FAAH2: variants seen among roughly 807,000 people sequenced by gnomAD.
The protein encoded by FAAH2 is fatty-acid amide hydrolase 2.
Under a neutral mutation model 36.9 loss-of-function variants are expected in FAAH2, and 60 were observed. That is an observed-to-expected ratio of 1.63 (90% CI 1.32 to 2.02). FAAH2 has a LOEUF of 2.02. FAAH2 is among the 30% of genes most tolerant of loss of function. The probability of loss-of-function intolerance (pLI) is 0.00; values close to 1 mark genes in which losing one functional copy is unlikely to be tolerated. For synonymous variants in FAAH2, 214 were observed against 143.8 expected (o/e 1.49, Z -3.49); for missense variants, 689 against 397.5 (o/e 1.73, Z -6.23).
At chrX:57,196,297 G>A in the FAAH2 span, among the ~76,000 whole-genome samples, 261 of 111,738 alleles carry the variant, frequency 2.3e-3, 1 homozygote, top group African/African-American at 8.2e-3. Flanking sequence ...AGGTATATTT[G>A]TAAGTATTTT....
intron 7 of FAAH2, among the ~76,000 whole-genome samples, chrX:57,385,220 G>A (rs762110330): frequency 9.5e-6 from 1 of 105,277 alleles, no homozygotes; most frequent in African/African-American, 3.5e-5. Flanking sequence ...CATGGCACAT[G>A]TATACATATG....
chrX:57,436,238 G>A (rs1198920822), intron 8 of FAAH2, among the ~76,000 whole-genome samples: 1 of 110,702 alleles, frequency 9.0e-6, no homozygotes, highest in Non-Finnish European at 1.9e-5. Flanking sequence ...GATGTTCATA[G>A]TATTAAATGC....
rs1023272669 is a variant in FAAH2, at chrX:57,421,728, C to T, written c.997-10190C>T. Among the ~76,000 whole-genome samples the T allele has an allele frequency of 9.0e-5, 10 of 111,647 alleles. No homozygotes were observed. In the South Asian group the frequency reaches 1.1e-3, roughly 13 times the overall value. On this transcript the variant is annotated intron_variant, in intron 7 of 10. Coordinates refer to ENST00000374900, the MANE Select transcript of FAAH2 (RefSeq NM_174912.4). ...GTGAAAGAAGGGACACAATCCAGTC[C>T]GTAGGAGTGAAAATGTGGTAATAGT...
At chrX:57,388,377 C>T (rs1259858415) in intron 7 of FAAH2, among the ~76,000 whole-genome samples, 1 of 110,621 alleles carries the variant, frequency 9.0e-6, no homozygotes, top group Admixed American at 9.6e-5. Context: ...TTTTATAATC[C>T]AGGTCTTTTT....
chrX:57,182,122 G>A, the FAAH2 span, among the ~76,000 whole-genome samples: 46,737 of 110,545 alleles, frequency 0.42, 9,366 homozygotes, highest in African/African-American at 0.78. Flanking sequence ...AACGAACAAA[G>A]CTATAAAAAC....
chrX:57,158,236 T>A, the FAAH2 span, among the ~76,000 whole-genome samples: 1 of 112,253 alleles, frequency 8.9e-6, no homozygotes, highest in Non-Finnish European at 1.9e-5. Flanking sequence ...ATTTTCTTAA[T>A]CCAGTCTATC....
At chrX:57,296,586 C>A (rs1175950370) in intron 2 of FAAH2, among the ~76,000 whole-genome samples, 1 of 111,961 alleles carries the variant, frequency 8.9e-6, no homozygotes, top group African/African-American at 3.2e-5. Context: ...ATCAGCAATG[C>A]AACAAAGCTG....
At chrX:57,143,884 A>G in the FAAH2 span, among the ~76,000 whole-genome samples, 1 of 112,027 alleles carries the variant, frequency 8.9e-6, no homozygotes, top group African/African-American at 3.2e-5. Context: ...ATGTGTCTAC[A>G]TTTATCAGTG....
chrX:57,474,042 G>C (rs1308263363), intron 10 of FAAH2, among the ~76,000 whole-genome samples: 2 of 111,630 alleles, frequency 1.8e-5, no homozygotes, highest in African/African-American at 6.5e-5. Context: ...TATTACAATA[G>C]TGTTAGTTAT....
At chrX:57,162,422 G>C in the FAAH2 span, among the ~76,000 whole-genome samples, 1 of 111,564 alleles carries the variant, frequency 9.0e-6, no homozygotes, top group Non-Finnish European at 1.9e-5. Flanking sequence ...TGCTAGATTG[G>C]GGAAGTTCTC....
the FAAH2 span, among the ~76,000 whole-genome samples, chrX:57,220,005 T>C: frequency 1.9e-5 from 2 of 107,482 alleles, no homozygotes; most frequent in Admixed American, 1.0e-4. Flanking sequence ...ACTGGAGAAA[T>C]GGCAAGAAAT....
chrX:57,187,356 GCTCT>G, the FAAH2 span, among the ~76,000 whole-genome samples: 2 of 109,944 alleles, frequency 1.8e-5, no homozygotes, highest in Non-Finnish European at 3.8e-5. Flanking sequence ...TCATAATTTG[GCTCT>G]CTGCTTGTCT....
intron 2 of FAAH2, among the ~76,000 whole-genome samples, chrX:57,308,646 A>G (rs753579336): frequency 8.9e-6 from 1 of 111,845 alleles, no homozygotes; most frequent in East Asian, 2.8e-4. Flanking sequence ...ACTGCCCAAT[A>G]CCTGAAATAT....
chrX:57,422,154 A>C (rs1185391391), intron 7 of FAAH2, among the ~76,000 whole-genome samples: 1 of 112,076 alleles, frequency 8.9e-6, no homozygotes, highest in Non-Finnish European at 1.9e-5. Flanking sequence ...CTAGCAGTGA[A>C]CCCACATTTG....
chrX:57,368,434 A>T (rs1374373255), intron 5 of FAAH2, among the ~76,000 whole-genome samples: 1 of 111,112 alleles, frequency 9.0e-6, no homozygotes, highest in African/African-American at 3.3e-5. Flanking sequence ...GGAACAGCAG[A>T]CAAGCAGAGG....
intron 4 of FAAH2, among the ~76,000 whole-genome samples, chrX:57,338,169 A>T (rs573750752): frequency 1.8e-5 from 2 of 111,451 alleles, no homozygotes; most frequent in South Asian, 7.6e-4. Flanking sequence ...AGAGTCAGCA[A>T]AGGGAGATAG....
chrX:57,372,151 G>A (rs565166289), intron 5 of FAAH2, among the ~76,000 whole-genome samples: 1 of 110,899 alleles, frequency 9.0e-6, no homozygotes, highest in South Asian at 3.8e-4. Context: ...ATATTCCATT[G>A]GGTATATACC....
At chrX:57,240,794 G>A in the FAAH2 span, among the ~76,000 whole-genome samples, 5 of 112,192 alleles carry the variant, frequency 4.5e-5, no homozygotes, top group Admixed American at 2.8e-4. Flanking sequence ...TATGAAGTTG[G>A]CTGCTGGGAA....
chrX:57,393,049 G>A (rs2055204181), intron 7 of FAAH2: 1 of 898,808 alleles, frequency 1.1e-6, no homozygotes, highest in African/African-American at 1.9e-5. Context: ...TGGACAGCCT[G>A]AGCCAGGGCT....
Sources: gnomAD v4.1 joint callset for allele counts (sites outside exome capture counted in the v4.1 genomes callset) on GRCh38, gnomAD v4.1.1 for gene constraint, MANE v1.5 for transcripts, NCBI Gene and HGNC (gene_info 2026-07-23, HGNC 2026-07-21) for gene names.